The following ENOPH1 variants were observed in gnomAD, a reference collection of about 807,000 sequenced individuals.
ENOPH1 encodes enolase-phosphatase E1.
ENOPH1 carries 14 observed loss-of-function variants against 31.1 expected under a neutral mutation model. The ratio of observed to expected loss-of-function variants is 0.45; its 90% CI spans 0.30 to 0.70. The LOEUF is 0.70. Ranked by LOEUF, ENOPH1 falls within the 30% of genes least tolerant of loss-of-function variation. ENOPH1 has a pLI of 0.09. For synonymous variants in ENOPH1, 127 were observed against 123.2 expected, an observed-to-expected ratio of 1.03 and a Z score of -0.21; for missense variants, 243 against 321.5, an observed-to-expected ratio of 0.76 and a Z score of 1.87.
intron 1 of ENOPH1, among the ~76,000 whole-genome samples, chr4:82,433,868 T>C (rs58747459): frequency 0.099 from 15,123 of 152,246 alleles, 796 homozygotes; most frequent in African/African-American, 0.11. Flanking sequence ...AGTTACATTC[T>C]TGAATCTGAG....
At chr4:82,450,468 A>G (rs1029399239) in intron 2 of ENOPH1, among the ~76,000 whole-genome samples, 7 of 152,218 alleles carry the variant, frequency 4.6e-5, no homozygotes, top group Admixed American at 1.3e-4. Flanking sequence ...ACATACATAC[A>G]TAGTCCCCCA....
intron 5 of ENOPH1, 136 bp downstream of exon 5, chr4:82,457,174 A>G (rs1293322551): frequency 1.2e-6 from 1 of 861,036 alleles, no homozygotes; most frequent in African/African-American, 1.7e-5. Context: ...TATATAAAGA[A>G]ACAGTGTCTG....
At chr4:82,438,981 C>G (rs1275805706) in intron 1 of ENOPH1, among the ~76,000 whole-genome samples, 1 of 152,172 alleles carries the variant, frequency 6.6e-6, no homozygotes, top group African/African-American at 2.4e-5. Flanking sequence ...AGGTGCAGGT[C>G]AGAAGAGGAG....
chr4:82,455,159 T>C (rs1036350416), intron 4 of ENOPH1, among the ~76,000 whole-genome samples: 1 of 152,204 alleles, frequency 6.6e-6, no homozygotes, highest in Non-Finnish European at 1.5e-5. Flanking sequence ...CACTCATTTG[T>C]TTCTGGCTCT....
chr4:82,431,009 G>A lies in ENOPH1; in HGVS notation c.84+96G>A, dbSNP rs548143431. The stretch of plus-strand genomic sequence containing the variant: ...GGCCTTGCATTGGAGACGAGGGTTA[G>A]GAGAGGCGGTGTGGCTGCCTCTTGT... On this transcript the variant is annotated intron_variant, in intron 1 of 5. Coordinates refer to ENST00000273920, the MANE Select transcript of ENOPH1 (RefSeq NM_021204.5). The A allele has an allele frequency of 9.1e-6, 10 of 1,093,228 alleles. No individual in the cohort carries two copies. The African/African-American group carries it at 2.0e-4, about 22-fold the overall frequency. The allele number at this position is 1,093,228 out of a possible 1,614,324, so 67.7% of individuals were successfully genotyped here.
chr4:82,450,934 C>CT, intron 2 of ENOPH1, 109 bp from the exon 3 acceptor site: 3 of 792,634 alleles, frequency 3.8e-6, no homozygotes, highest in Non-Finnish European at 6.3e-6. Context: ...TGCAGCCATA[C>CT]TAGGGCTAAT....
At chr4:82,459,059 T>TA (rs1175965490) in intron 5 of ENOPH1, among the ~76,000 whole-genome samples, 2 of 152,168 alleles carry the variant, frequency 1.3e-5, no homozygotes, top group Non-Finnish European at 2.9e-5. Flanking sequence ...TGATTACTCT[T>TA]ACACCAAATC....
chr4:82,454,940 G>C, intron 4 of ENOPH1, 86 bp downstream of exon 4: 1 of 1,276,970 alleles, frequency 7.8e-7, no homozygotes, highest in Non-Finnish European at 1.1e-6. Context: ...GGAACTAATA[G>C]AATGCTTTTT....
At chr4:82,444,131 T>TC (rs1722118473) in intron 1 of ENOPH1, among the ~76,000 whole-genome samples, 1 of 152,194 alleles carries the variant, frequency 6.6e-6, no homozygotes, top group Non-Finnish European at 1.5e-5. Flanking sequence ...TGCCTCGGCC[T>TC]CCCAAAGTGC....
chr4:82,453,388 G>T (rs1464233224), intron 3 of ENOPH1, among the ~76,000 whole-genome samples: 1 of 152,140 alleles, frequency 6.6e-6, no homozygotes, highest in Non-Finnish European at 1.5e-5. Flanking sequence ...AGTGATCTGG[G>T]AATATCAGCC....
intron 3 of ENOPH1, 96 bp downstream of exon 3, chr4:82,451,341 TA>T (rs1722346121): frequency 8.8e-7 from 1 of 1,142,404 alleles, no homozygotes; most frequent in East Asian, 2.4e-5. Context: ...ACAAGACTGG[TA>T]AAACAGATAA....
chr4:82,457,655 G>T (rs1418954500), intron 5 of ENOPH1, among the ~76,000 whole-genome samples: 1 of 152,216 alleles, frequency 6.6e-6, no homozygotes, highest in African/African-American at 2.4e-5. Context: ...GAAATTAACA[G>T]GAAGACTTAG....
chr4:82,450,905 A>G (rs1722328826), intron 2 of ENOPH1, 138 bp from the exon 3 acceptor site: 4 of 627,000 alleles, frequency 6.4e-6, no homozygotes, highest in Non-Finnish European at 1.1e-5. Context: ...TCAGCTCCAA[A>G]GTATATGATG....
intron 1 of ENOPH1, 113 bp downstream of exon 1, chr4:82,431,026 G>A: frequency 1.9e-6 from 1 of 528,802 alleles, no homozygotes; most frequent in Non-Finnish European, 3.2e-6. Context: ...CGGTGTGGCT[G>A]CCTCTTGTGT....
chr4:82,438,186 G>A (rs780763248), intron 1 of ENOPH1, among the ~76,000 whole-genome samples: 21 of 152,102 alleles, frequency 1.4e-4, no homozygotes, highest in Admixed American at 2.0e-4. Flanking sequence ...AAATTAGTTC[G>A]CCCTGATTAT....
Position 82,430,654 on chromosome 4 carries a change from T to G in ENOPH1, c.-176T>G. The G allele has an allele frequency of 1.7e-6, 1 of 593,176 alleles. No individual in the cohort carries two copies. The highest frequency in any genetic ancestry group is 3.0e-6 in the Non-Finnish European group (1 of 334,814). 36.7% of individuals were successfully genotyped at this position (593,176 alleles called of 1,614,324 possible). On this transcript the variant is annotated 5_prime_UTR_variant, in exon 1 of 6. Transcript: ENST00000273920. Reference sequence around the variant, plus strand: ...CTCCTGGGCGGCCGCCTTTTCCAGTTCCAGGTGTGCAGAAGTGTCCTCTCC... The same window carrying G: ...CTCCTGGGCGGCCGCCTTTTCCAGTGCCAGGTGTGCAGAAGTGTCCTCTCC...
intron 3 of ENOPH1, among the ~76,000 whole-genome samples, chr4:82,451,634 G>A (rs1447693265): frequency 6.6e-5 from 10 of 152,190 alleles, no homozygotes; most frequent in Non-Finnish European, 1.5e-4. Context: ...AGGAAATTTT[G>A]TGCCCCACCG....
intron 1 of ENOPH1, among the ~76,000 whole-genome samples, chr4:82,447,060 A>G (rs576467535): frequency 2.0e-5 from 3 of 151,656 alleles, no homozygotes; most frequent in Admixed American, 2.0e-4. Flanking sequence ...ATCTCAGCTT[A>G]CTGCAACCTC....
chr4:82,450,947 T>G, intron 2 of ENOPH1, 96 bp from the exon 3 acceptor site: 10 of 936,978 alleles, frequency 1.1e-5, no homozygotes, highest in Non-Finnish European at 1.7e-5. Context: ...GGGCTAATGA[T>G]GGAGAAAGTT....
Sources: gnomAD v4.1 joint callset for allele counts (sites outside exome capture counted in the v4.1 genomes callset) on GRCh38, gnomAD v4.1.1 for gene constraint, MANE v1.5 for transcripts, NCBI Gene and HGNC (gene_info 2026-07-23, HGNC 2026-07-21) for gene names.